Variants in CFTR observed in about 807,000 individuals in gnomAD.
The protein encoded by CFTR is cystic fibrosis transmembrane conductance regulator.
Under a neutral mutation model 171.6 loss-of-function variants are expected in CFTR, and 181 were observed. The ratio of observed to expected loss-of-function variants is 1.05; its 90% confidence interval spans 0.93 to 1.19. The LOEUF (loss-of-function observed/expected upper bound fraction) is 1.19, where lower values mean the gene tolerates loss of function less well. Ranked by LOEUF, CFTR falls within the 50% of genes most tolerant of loss-of-function variation. CFTR has a pLI of 0.00. For synonymous variants in CFTR, 583 were observed against 608.0 expected (o/e 0.96, Z 0.60); for missense variants, 1,968 against 1,734.7 (o/e 1.13, Z -2.39).
intron 11 of CFTR, among the ~76,000 whole-genome samples, chr7:117,574,124 A>G (rs1201259246): frequency 1.3e-5 from 2 of 152,054 alleles, no homozygotes; most frequent in African/African-American, 2.4e-5. Flanking sequence ...TAAGATAAAT[A>G]TATTACCAGA....
intron 1 of CFTR, among the ~76,000 whole-genome samples, chr7:117,492,921 T>C (rs1798183963): frequency 6.7e-6 from 1 of 149,442 alleles, no homozygotes; most frequent in African/African-American, 2.5e-5. Context: ...GAAGTTACCA[T>C]TTTTTTTTTC....
In CFTR at chr7:117,592,218, A is replaced by C. The variant is rs79471689; in HGVS notation, c.2051A>C (p.Lys684Thr). 1 of 1,613,910 alleles carries C rather than the reference A, an allele frequency of 6.2e-7. No homozygotes were observed. The highest frequency in any genetic ancestry group is 8.5e-7 in the Non-Finnish European group (1 of 1,180,008). ...CCTGTCTCCTGGACAGAAACAAAAA[A>C]ACAATCTTTTAAACAGACTGGAGAG... is the stretch of plus-strand genomic sequence containing the variant. Reference protein sequence around the residue: ...DAPVSWTETKKQSFKQTGEFG... With the variant: ...DAPVSWTETKTQSFKQTGEFG... Residue 684 changes from lysine to threonine, a missense_variant, in exon 14 of 27, where the codon AAA becomes ACA. By Grantham distance (78) the Lys-to-Thr change is moderately conservative. Coordinates refer to ENST00000003084, the MANE Select transcript of CFTR (RefSeq NM_000492.4).
At chr7:117,530,471 A>G (rs898089339) in intron 3 of CFTR, among the ~76,000 whole-genome samples, 1 of 152,216 alleles carries the variant, frequency 6.6e-6, no homozygotes, top group African/African-American at 2.4e-5. Flanking sequence ...ATGTGAAAAT[A>G]ATAATGCCTA....
intron 3 of CFTR, among the ~76,000 whole-genome samples, chr7:117,518,148 T>C (rs562931892): frequency 2.2e-4 from 34 of 151,914 alleles, no homozygotes; most frequent in African/African-American, 8.2e-4. Flanking sequence ...ATGTAGTTGG[T>C]GCAAAAGTAA....
chr7:117,601,923 T>A (rs1792232040), intron 15 of CFTR, among the ~76,000 whole-genome samples: 1 of 152,268 alleles, frequency 6.6e-6, no homozygotes. Flanking sequence ...CTTAGCCAAA[T>A]GTTTCCACCT....
At chr7:117,571,334 GC>G (rs1159882083) in intron 11 of CFTR, among the ~76,000 whole-genome samples, 1 of 152,170 alleles carries the variant, frequency 6.6e-6, no homozygotes, top group African/African-American at 2.4e-5. Context: ...CAATAATATA[GC>G]AGTGAAGTAC....
chr7:117,595,827 C>A (rs1321880697), intron 15 of CFTR, among the ~76,000 whole-genome samples: 1 of 151,994 alleles, frequency 6.6e-6, no homozygotes, highest in East Asian at 1.9e-4. Context: ...TCAAGGCTGC[C>A]CTGAACTGTG....
At position 117,592,508 on chromosome 7, in the gene CFTR, C is replaced by G; in HGVS notation, c.2341C>G (p.Gln781Glu). ...NLMTHSVNQGQNIHRKTTAST... is the reference protein window; with the variant it reads ...NLMTHSVNQGENIHRKTTAST... ...GATGACACACTCAGTTAACCAAGGT[C>G]AGAACATTCACCGAAAGACAACAGC... The change falls in exon 14 of 27, where the codon CAG (glutamine) becomes GAG (glutamate). Residue 781 changes from glutamine to glutamate, a missense_variant. Physicochemically the swap from Gln to Glu is conservative, Grantham distance 29. Transcript: ENST00000003084. 1 of 1,533,606 alleles carries G rather than the reference C, an allele frequency of 6.5e-7. No homozygotes were observed. Among genetic ancestry groups the G allele is most frequent in the Non-Finnish European group, 8.7e-7 (1 of 1,144,066 alleles). 95.0% of individuals were successfully genotyped at this position (1,533,606 alleles called of 1,614,324 possible).
At chr7:117,540,388 A>T in intron 8 of CFTR, 42 bp downstream of exon 8, 1 of 1,567,724 alleles carries the variant, frequency 6.4e-7, no homozygotes, top group Non-Finnish European at 8.7e-7. Context: ...TGATTTAAAT[A>T]ATCAGTCAAT....
At position 117,536,535 on chromosome 7, in the gene CFTR, G is replaced by A; in HGVS notation, c.744-13G>A. ...TATTAGATTGATTGATTGATTGATT[G>A]ATTGATTTACAGAGATCAGAGAGCT... is the stretch of plus-strand genomic sequence containing the variant. On this transcript the variant is annotated splice_polypyrimidine_tract_variant and intron_variant, in intron 6 of 26. Coordinates refer to ENST00000003084, the MANE Select transcript of CFTR (RefSeq NM_000492.4). 6.4e-7 allele frequency: 1 copy of A among 1,569,652 alleles called. No homozygotes were observed.
At chr7:117,594,183 C>T (rs894793696) in intron 14 of CFTR, among the ~76,000 whole-genome samples, 8 of 152,086 alleles carry the variant, frequency 5.3e-5, no homozygotes, top group Admixed American at 3.9e-4. Flanking sequence ...GGTTCAAATC[C>T]AGATCTGTCT....
intron 11 of CFTR, among the ~76,000 whole-genome samples, chr7:117,585,778 G>A (rs1227703490): frequency 6.6e-6 from 1 of 151,948 alleles, no homozygotes; most frequent in Non-Finnish European, 1.5e-5. Flanking sequence ...AGTAGCTGGG[G>A]CTACAGGTGC....
At chr7:117,538,597 T>C (rs1325485910) in intron 7 of CFTR, among the ~76,000 whole-genome samples, 1 of 152,194 alleles carries the variant, frequency 6.6e-6, no homozygotes, top group Admixed American at 6.5e-5. Flanking sequence ...TTCCTTTTCT[T>C]GTTGAGGAGA....
At chr7:117,556,684 T>C in intron 10 of CFTR, among the ~76,000 whole-genome samples, 1 of 148,944 alleles carries the variant, frequency 6.7e-6, no homozygotes, top group Non-Finnish European at 1.5e-5. Context: ...TACGCCCGGC[T>C]AATTTTTTGT....
chr7:117,613,767 A>G (rs1792440554), intron 20 of CFTR, among the ~76,000 whole-genome samples: 2 of 152,070 alleles, frequency 1.3e-5, no homozygotes, highest in Admixed American at 1.3e-4. Flanking sequence ...AAGATGAATT[A>G]TTTCTCCCAA....
At position 117,642,458 on chromosome 7, in the gene CFTR, T is replaced by C. The variant is rs1419270660; in HGVS notation, c.3738T>C (p.Thr1246=). 2 of 1,613,614 alleles carry C rather than the reference T, an allele frequency of 1.2e-6. No homozygotes were observed. Among genetic ancestry groups the C allele is most frequent in the Non-Finnish European group, 1.7e-6 (2 of 1,179,710 alleles). The part of the protein sequence containing the change: ...PGQRVGLLGR[T]GSGKSTLLSA... ...TATAGGTGGGCCTCTTGGGAAGAACTGGATCAGGGAAGAGTACTTTGTTAT... is the reference window on the plus strand; with the variant it reads ...TATAGGTGGGCCTCTTGGGAAGAACCGGATCAGGGAAGAGTACTTTGTTAT... The change falls in exon 23 of 27, where the codon ACT becomes ACC. Residue 1246 remains threonine, a synonymous_variant. Coordinates refer to ENST00000003084, the MANE Select transcript of CFTR (RefSeq NM_000492.4).
chr7:117,582,825 T>C (rs1045936277), intron 11 of CFTR, among the ~76,000 whole-genome samples: 2 of 152,150 alleles, frequency 1.3e-5, no homozygotes, highest in Non-Finnish European at 2.9e-5. Flanking sequence ...AAGCTTTAAG[T>C]TGGATTTGAA....
At chr7:117,662,437 G>A (rs1793306269) in intron 24 of CFTR, among the ~76,000 whole-genome samples, 1 of 152,058 alleles carries the variant, frequency 6.6e-6, no homozygotes, top group African/African-American at 2.4e-5. Context: ...AGATGATCAG[G>A]GATATTCAGA....
intron 15 of CFTR, among the ~76,000 whole-genome samples, chr7:117,595,712 G>A (rs752515200): frequency 5.9e-5 from 9 of 151,794 alleles, no homozygotes; most frequent in African/African-American, 9.7e-5. Context: ...GTGAGACACC[G>A]TATCTACAAA....
Sources: allele counts gnomAD v4.1 joint callset (sites outside exome capture counted in the v4.1 genomes callset), GRCh38; gene constraint gnomAD v4.1.1; transcripts MANE v1.5; gene names NCBI Gene and HGNC (gene_info 2026-07-23, HGNC 2026-07-21).